CCDC73: variants seen among roughly 807,000 people sequenced by gnomAD.
CCDC73 encodes coiled-coil domain containing 73, also known as coiled-coil domain-containing protein 73.
Under a neutral mutation model 116.5 loss-of-function variants are expected in CCDC73, and 95 were observed. The observed-to-expected ratio is 0.82, with a 90% confidence interval of 0.69 to 0.97. The LOEUF is 0.97. Ranked by LOEUF, CCDC73 falls within the 50% of genes least tolerant of loss-of-function variation. The probability of loss-of-function intolerance (pLI) is 0.00; values close to 1 mark genes in which losing one functional copy is unlikely to be tolerated. For synonymous variants in CCDC73, 398 were observed against 401.3 expected, an observed-to-expected ratio of 0.99 and a Z score of 0.10; for missense variants, 1,066 against 1,206.8, an observed-to-expected ratio of 0.88 and a Z score of 1.73.
intron 3 of CCDC73, among the ~76,000 whole-genome samples, chr11:32,705,121 T>A (rs529352496): frequency 1.5e-3 from 232 of 152,234 alleles, no homozygotes; most frequent in Non-Finnish European, 2.8e-3. Flanking sequence ...GCCGCACCAT[T>A]CAACGGGAAA....
At chr11:32,700,217 C>T (rs12789547) in intron 5 of CCDC73, among the ~76,000 whole-genome samples, 12,811 of 151,760 alleles carry the variant, frequency 0.084, 622 homozygotes, top group South Asian at 0.12. Context: ...TTACAGAAGA[C>T]CTTTGGCTAA....
chr11:32,603,047 T>A (rs776592578), intron 17 of CCDC73, 27 bp from the exon 18 acceptor site: 1 of 1,529,336 alleles, frequency 6.5e-7, no homozygotes, highest in Non-Finnish European at 8.9e-7. Context: ...AATTTTACCT[T>A]CGAAATTATT....
intron 15 of CCDC73, 80 bp from the exon 16 acceptor site, chr11:32,615,022 TA>T: frequency 1.3e-6 from 1 of 772,114 alleles, no homozygotes; most frequent in Non-Finnish European, 2.0e-6. Context: ...CACCTATTTT[TA>T]TAAAAACATA....
At chr11:32,605,103 C>T (rs1014889428) in intron 17 of CCDC73, 3 of 151,148 alleles carry the variant, frequency 2.0e-5, no homozygotes, top group Non-Finnish European at 2.9e-5. Flanking sequence ...CCACCTGCCT[C>T]GGCCTCCCAA....
intron 14 of CCDC73, among the ~76,000 whole-genome samples, chr11:32,629,648 T>C (rs1041871553): frequency 2.0e-5 from 3 of 151,994 alleles, no homozygotes; most frequent in Admixed American, 6.6e-5. Context: ...TCTGCCCGCC[T>C]TGGCCTCCCA....
intron 1 of CCDC73, among the ~76,000 whole-genome samples, chr11:32,788,766 G>A (rs976326): frequency 0.57 from 86,530 of 151,954 alleles, 25,008 homozygotes; most frequent in East Asian, 0.84. Flanking sequence ...GTGCTTGGCC[G>A]AGTTAATCTT....
chr11:32,754,545 A>G (rs183896551), intron 2 of CCDC73, among the ~76,000 whole-genome samples: 2 of 152,294 alleles, frequency 1.3e-5, no homozygotes, highest in African/African-American at 4.8e-5. Context: ...AATCTCTAAA[A>G]ATATAGATAA....
chr11:32,666,855 G>T (rs1029915041), intron 9 of CCDC73, among the ~76,000 whole-genome samples: 13 of 151,926 alleles, frequency 8.6e-5, no homozygotes, highest in Non-Finnish European at 1.9e-4. Context: ...TGTCCTTTCT[G>T]TTTGTTAGTC....
intron 14 of CCDC73, among the ~76,000 whole-genome samples, chr11:32,633,173 C>T (rs1050815491): frequency 6.6e-6 from 1 of 152,180 alleles, no homozygotes; most frequent in African/African-American, 2.4e-5. Context: ...CCTGCCTCAG[C>T]CTCCCGAGTA....
chr11:32,760,769 T>C (rs960007991), intron 1 of CCDC73, among the ~76,000 whole-genome samples: 1 of 152,220 alleles, frequency 6.6e-6, no homozygotes, highest in Admixed American at 6.5e-5. Flanking sequence ...CAAGAAACTT[T>C]TCAACTTTTC....
At chr11:32,641,004 A>T (rs193103083) in intron 13 of CCDC73, among the ~76,000 whole-genome samples, 1,529 of 145,238 alleles carry the variant, frequency 0.011, 24 homozygotes, top group African/African-American at 0.036. Context: ...GGACAGAGTG[A>T]GACTCTGTCC....
chr11:32,817,840 A>G, the CCDC73 span, among the ~76,000 whole-genome samples: 1 of 152,172 alleles, frequency 6.6e-6, no homozygotes, highest in East Asian at 1.9e-4. Flanking sequence ...TCATCTCCAT[A>G]TCATAATAGT....
chr11:32,602,860 T>C lies in CCDC73; in HGVS notation c.3191A>G (p.Lys1064Arg), dbSNP rs1251041474. The C allele has an allele frequency of 6.2e-7, 1 of 1,611,032 alleles. No homozygotes were observed. The change falls in exon 18 of 18, where the codon AAG (lysine) becomes AGG (arginine). Residue 1064 changes from lysine to arginine, a missense_variant. Transcript: ENST00000335185. Reference protein sequence around the residue: ...LLSLENDNQPKKRKAEETLEK... With the variant: ...LLSLENDNQPRKRKAEETLEK... ...CAACGTCTCTTCTGCTTTTCTTTTC[T>C]TTGGCTGGTTGTCATTTTCTAAACT...
chr11:32,688,476 C>G (rs370162329), intron 6 of CCDC73, among the ~76,000 whole-genome samples: 12 of 152,262 alleles, frequency 7.9e-5, no homozygotes, highest in African/African-American at 2.9e-4. Context: ...GGATTCTAAA[C>G]TAGATCCTTT....
At chr11:32,603,102 G>T in intron 17 of CCDC73, 82 bp from the exon 18 acceptor site, 1 of 1,149,612 alleles carries the variant, frequency 8.7e-7, no homozygotes, top group Non-Finnish European at 1.2e-6. Flanking sequence ...GCAGTTATGA[G>T]TATGTGGTAA....
intron 9 of CCDC73, among the ~76,000 whole-genome samples, chr11:32,674,105 A>C (rs1856063444): frequency 1.3e-5 from 2 of 152,174 alleles, no homozygotes; most frequent in South Asian, 4.1e-4. Flanking sequence ...CATTGATGCA[A>C]CCCATATACA....
chr11:32,619,755 G>A (rs1855506312), intron 14 of CCDC73, among the ~76,000 whole-genome samples: 1 of 151,402 alleles, frequency 6.6e-6, no homozygotes, highest in African/African-American at 2.4e-5. Flanking sequence ...AGAAGGAGGA[G>A]GAGGAGATGA....
chr11:32,772,101 G>A (rs1237163792), intron 1 of CCDC73, among the ~76,000 whole-genome samples: 2 of 152,140 alleles, frequency 1.3e-5, no homozygotes, highest in Admixed American at 6.5e-5. Context: ...ACAAACTCAC[G>A]AAATTATGAG....
chr11:32,753,685 C>T (rs1326234192), intron 2 of CCDC73, among the ~76,000 whole-genome samples: 2 of 152,168 alleles, frequency 1.3e-5, no homozygotes, highest in Non-Finnish European at 2.9e-5. Flanking sequence ...AGGCTGGTCT[C>T]GAACTCCTGA....
Sources: allele counts gnomAD v4.1 joint callset (sites outside exome capture counted in the v4.1 genomes callset), GRCh38; gene constraint gnomAD v4.1.1; transcripts MANE v1.5; gene names NCBI Gene and HGNC (gene_info 2026-07-23, HGNC 2026-07-21).